Variants in COPS4 observed in about 807,000 individuals in gnomAD.
The protein encoded by COPS4 is COP9 signalosome complex subunit 4.
COPS4 carries 8 observed loss-of-function variants against 55.1 expected under a neutral mutation model. The ratio of observed to expected loss-of-function variants is 0.15; its 90% CI spans 0.09 to 0.26. The LOEUF (loss-of-function observed/expected upper bound fraction) is 0.26, where lower values mean the gene tolerates loss of function less well. Among genes scored for constraint, COPS4 ranks in the 10% least tolerant of loss-of-function variants. COPS4 has a pLI of 1.00. For synonymous variants in COPS4, 185 were observed against 165.7 expected, an observed-to-expected ratio of 1.12 and a Z score of -0.90; for missense variants, 248 against 484.0, an observed-to-expected ratio of 0.51 and a Z score of 4.58.
chr4:83,045,157 A>C (rs544860922), intron 1 of COPS4, among the ~76,000 whole-genome samples: 1 of 152,352 alleles, frequency 6.6e-6, no homozygotes, highest in South Asian at 2.1e-4. Flanking sequence ...GTGACCCTAC[A>C]TACATTACGT....
chr4:83,050,452 C>A (rs1161069679), intron 4 of COPS4, among the ~76,000 whole-genome samples: 1 of 152,050 alleles, frequency 6.6e-6, no homozygotes, highest in East Asian at 1.9e-4. Flanking sequence ...CATGCACCAC[C>A]ACACCTGGCT....
intron 2 of COPS4, among the ~76,000 whole-genome samples, chr4:83,046,164 T>A (rs1730707494): frequency 6.6e-6 from 1 of 152,152 alleles, no homozygotes; most frequent in Non-Finnish European, 1.5e-5. Context: ...CCCTTGTCAA[T>A]GTTTTAATGG....
At chr4:83,060,581 A>G (rs1731139970) in intron 6 of COPS4, among the ~76,000 whole-genome samples, 1 of 150,630 alleles carries the variant, frequency 6.6e-6, no homozygotes, top group Admixed American at 6.6e-5. Context: ...GCTGGGATTA[A>G]AGGCATGAGC....
Position 83,035,246 on chromosome 4 carries a change from G to A in COPS4, c.22G>A (p.Asp8Asn). The change falls in exon 1 of 10, where the codon GAT (aspartate) becomes AAT (asparagine). Residue 8 changes from aspartate (D) to asparagine (N), a missense_variant. Asp to Asn is a conservative substitution (Grantham distance 23). Coordinates refer to ENST00000264389, the MANE Select transcript of COPS4 (RefSeq NM_016129.3). MAAAVRQ[D>N]LAQLMNSSGS... Reference sequence around the variant, plus strand: ...AAAGATGGCGGCAGCCGTGCGACAGGATTTGGCCCAGCTCATGAATTCGAG... The same window carrying A: ...AAAGATGGCGGCAGCCGTGCGACAGAATTTGGCCCAGCTCATGAATTCGAG... 1.3e-6 allele frequency: 2 copies of A among 1,573,784 alleles called. No homozygotes were observed. The highest frequency in any genetic ancestry group is 1.7e-6 in the Non-Finnish European group (2 of 1,154,240).
intron 1 of COPS4, 80 bp downstream of exon 1, chr4:83,035,378 C>T (rs957055093): frequency 1.1e-5 from 13 of 1,214,420 alleles, no homozygotes; most frequent in Middle Eastern, 2.1e-4. Context: ...TTGGCCACGG[C>T]TCTTGGGCGT....
chr4:83,036,625 A>G (rs1157669376), intron 1 of COPS4, among the ~76,000 whole-genome samples: 6 of 152,228 alleles, frequency 3.9e-5, no homozygotes, highest in African/African-American at 1.4e-4. Context: ...CACTTATATC[A>G]CGTAGAACAG....
At chr4:83,051,668 T>C (rs759062031) in intron 4 of COPS4, among the ~76,000 whole-genome samples, 31 of 152,096 alleles carry the variant, frequency 2.0e-4, no homozygotes, top group Non-Finnish European at 3.7e-4. Context: ...AGTAGAAATA[T>C]GTAGTGAGGA....
At chr4:83,071,320 C>A (rs1731424051) in intron 9 of COPS4, among the ~76,000 whole-genome samples, 1 of 152,150 alleles carries the variant, frequency 6.6e-6, no homozygotes, top group Admixed American at 6.5e-5. Context: ...AGTAATATAG[C>A]ATTTCCCCTT....
At position 83,053,008 on chromosome 4, in the gene COPS4, C is replaced by A. The variant is rs866128454; in HGVS notation, c.410+3024C>A. Reference sequence around the variant, plus strand: ...AAGTAATCCCCTTAGGAGAGTGGGACAATGAATGGACTCAGCATGTAAACT... The same window carrying A: ...AAGTAATCCCCTTAGGAGAGTGGGAAAATGAATGGACTCAGCATGTAAACT... On this transcript the variant is annotated intron_variant, in intron 4 of 9. Transcript: ENST00000264389. 3.3e-5 allele frequency among the ~76,000 whole-genome samples: 5 copies of A among 152,296 alleles called. No homozygotes were observed. The South Asian group carries it at 8.3e-4, about 25-fold the overall frequency.
At chr4:83,066,353 G>A (rs1731292235) in intron 7 of COPS4, 85 bp from the exon 8 acceptor site, 1 of 628,456 alleles carries the variant, frequency 1.6e-6, no homozygotes, top group East Asian at 2.9e-5. Flanking sequence ...GTTATTACGT[G>A]CCTAGACATT....
chr4:83,063,146 G>T lies in COPS4; in HGVS notation c.786G>T (p.Gly262=). 1.9e-6 allele frequency: 3 copies of T among 1,610,258 alleles called. No homozygotes were observed. The highest frequency in any genetic ancestry group is 2.5e-6 in the Non-Finnish European group (3 of 1,178,626). The change falls in exon 7 of 10, where the codon GGG becomes GGT. Residue 262 remains glycine (G), a synonymous_variant. Coordinates refer to ENST00000264389, the MANE Select transcript of COPS4 (RefSeq NM_016129.3). Reference sequence around the variant, plus strand: ...GGTGCCAGCAACTTGCTGCCTATGGGATCCTAGAGAAAATGTATCTAGATA... The same window carrying T: ...GGTGCCAGCAACTTGCTGCCTATGGTATCCTAGAGAAAATGTATCTAGATA... ...DERCQQLAAY[G]ILEKMYLDRI...
At position 83,075,438 on chromosome 4, in the gene COPS4, C is replaced by T; in HGVS notation, c.*8C>T. On this transcript the variant is annotated 3_prime_UTR_variant, in exon 10 of 10. Coordinates refer to ENST00000264389, the MANE Select transcript of COPS4 (RefSeq NM_016129.3). ...GCCCAGATGGCTCAGTGAATCCTTG[C>T]AGAACTTCTGTGCACATGACATCTT... The T allele has an allele frequency of 6.2e-7, 1 of 1,613,850 alleles. No homozygotes were observed. Among genetic ancestry groups the T allele is most frequent in the Non-Finnish European group, 8.5e-7 (1 of 1,179,892 alleles).
intron 1 of COPS4, among the ~76,000 whole-genome samples, chr4:83,039,361 G>A (rs942836401): frequency 3.9e-5 from 6 of 152,178 alleles, no homozygotes; most frequent in African/African-American, 1.4e-4. Context: ...ACACATACAA[G>A]GCCTCTCGAG....
At chr4:83,050,303 G>GTTC (rs1411908650) in intron 4 of COPS4, among the ~76,000 whole-genome samples, 1 of 152,030 alleles carries the variant, frequency 6.6e-6, no homozygotes, top group Non-Finnish European at 1.5e-5. Flanking sequence ...TGTTGTTGTT[G>GTTC]TTGTTGTTTT....
At chr4:83,055,991 C>T (rs565817793) in intron 4 of COPS4, among the ~76,000 whole-genome samples, 130 of 149,178 alleles carry the variant, frequency 8.7e-4, no homozygotes, top group African/African-American at 2.9e-3. Flanking sequence ...TGCAATGTCA[C>T]GATCTTGGCT....
At chr4:83,068,349 G>A (rs1034597272) in intron 8 of COPS4, 89 bp from the exon 9 acceptor site, 8 of 854,220 alleles carry the variant, frequency 9.4e-6, no homozygotes, top group East Asian at 2.5e-5. Flanking sequence ...AGTGATGGTA[G>A]TTAAACCAGA....
At chr4:83,045,105 A>G (rs1002969909) in intron 1 of COPS4, among the ~76,000 whole-genome samples, 4 of 152,196 alleles carry the variant, frequency 2.6e-5, no homozygotes, top group African/African-American at 9.7e-5. Context: ...TTCAGTCTTT[A>G]ATGTTTGGTT....
At chr4:83,073,897 C>T (rs1731501433) in intron 9 of COPS4, among the ~76,000 whole-genome samples, 2 of 150,564 alleles carry the variant, frequency 1.3e-5, no homozygotes, top group African/African-American at 2.4e-5. Context: ...GTGGAGGTTG[C>T]AGTGAGCTGA....
At chr4:83,066,612 A>G in intron 8 of COPS4, 59 bp downstream of exon 8, 1 of 759,656 alleles carries the variant, frequency 1.3e-6, no homozygotes, top group Non-Finnish European at 2.2e-6. Context: ...TATTAAAATA[A>G]TGAGAAAATA....
Sources: gnomAD v4.1 joint callset for allele counts (sites outside exome capture counted in the v4.1 genomes callset) on GRCh38, gnomAD v4.1.1 for gene constraint, MANE v1.5 for transcripts, NCBI Gene and HGNC (gene_info 2026-07-23, HGNC 2026-07-21) for gene names.